SAMD3: variants seen among roughly 807,000 people sequenced by gnomAD.
SAMD3 encodes sterile alpha motif domain-containing protein 3.
A neutral mutation model predicts 58.5 loss-of-function variants in SAMD3; 63 were observed. The observed-to-expected ratio is 1.08, with a 90% CI of 0.88 to 1.33. The LOEUF is 1.33. SAMD3 is among the 40% of genes most tolerant of loss of function. SAMD3 has a pLI of 0.00. For synonymous variants in SAMD3, 220 were observed against 210.3 expected (o/e 1.05, Z -0.40); for missense variants, 604 against 608.4 (o/e 0.99, Z 0.08).
chr6:130,237,484 A>G (rs1012311456), intron 2 of SAMD3, among the ~76,000 whole-genome samples: 3 of 152,126 alleles, frequency 2.0e-5, no homozygotes, highest in Non-Finnish European at 4.4e-5. Context: ...CTGCTGCCCA[A>G]TGACCATTCA....
intron 1 of SAMD3, among the ~76,000 whole-genome samples, chr6:130,221,139 C>A (rs1243412180): frequency 6.6e-6 from 1 of 152,150 alleles, no homozygotes. Context: ...CAGGCATGAG[C>A]CACCACGCCC....
At chr6:130,204,500 G>A (rs985701940) in intron 5 of SAMD3, among the ~76,000 whole-genome samples, 1 of 152,080 alleles carries the variant, frequency 6.6e-6, no homozygotes, top group African/African-American at 2.4e-5. Context: ...AGGATACTGA[G>A]GTGGGAGGAC....
chr6:130,230,617 A>G (rs1280607854), intron 2 of SAMD3, among the ~76,000 whole-genome samples: 1 of 152,022 alleles, frequency 6.6e-6, no homozygotes, highest in East Asian at 1.9e-4. Flanking sequence ...TGAACTCCTG[A>G]CCTCAGGTGA....
At chr6:130,285,442 C>G (rs1264741172) in intron 2 of SAMD3, among the ~76,000 whole-genome samples, 19 of 152,148 alleles carry the variant, frequency 1.2e-4, no homozygotes, top group Admixed American at 1.2e-3. Context: ...AAGGAGAGCT[C>G]TCATGTTGCT....
intron 2 of SAMD3, among the ~76,000 whole-genome samples, chr6:130,294,928 T>C (rs1461374357): frequency 1.5e-5 from 2 of 136,942 alleles, no homozygotes; most frequent in African/African-American, 5.4e-5. Context: ...TTTTTTTTTT[T>C]TTTTTTTTTT....
intron 2 of SAMD3, among the ~76,000 whole-genome samples, chr6:130,304,507 CTT>C (rs1170895558): frequency 6.6e-6 from 1 of 152,150 alleles, no homozygotes; most frequent in Non-Finnish European, 1.5e-5. Context: ...GGGCTTCTCT[CTT>C]TAGTTCCACT....
chr6:130,310,655 C>T (rs1344947561), intron 2 of SAMD3, among the ~76,000 whole-genome samples: 1 of 152,094 alleles, frequency 6.6e-6, no homozygotes. Context: ...CTACTGAATT[C>T]AAAATTACAG....
chr6:130,214,695 C>A lies in SAMD3; in HGVS notation c.80-169G>T, dbSNP rs149537267. On this transcript the variant is annotated intron_variant, in intron 3 of 11. Coordinates refer to ENST00000439090, the MANE Select transcript of SAMD3 (RefSeq NM_001017373.4). ...GATAAAACTCCAATGTTGCATAATTCCAAATCAATGCCTGCTCCTAAGAAA... is the reference window on the plus strand; with the variant it reads ...GATAAAACTCCAATGTTGCATAATTACAAATCAATGCCTGCTCCTAAGAAA... Among the ~76,000 whole-genome samples, 649 of 152,180 alleles carry A rather than the reference C, an allele frequency of 4.3e-3. 2 individuals are homozygous for A. Among genetic ancestry groups the A allele is most frequent in the Non-Finnish European group, 7.2e-3 (491 of 67,992 alleles).
At chr6:130,198,287 T>C (rs1794328632) in intron 5 of SAMD3, among the ~76,000 whole-genome samples, 1 of 152,158 alleles carries the variant, frequency 6.6e-6, no homozygotes, top group African/African-American at 2.4e-5. Context: ...CACTGCAGCC[T>C]CAAACTCCTG....
chr6:130,316,611 C>A (rs1301808793), intron 1 of SAMD3, among the ~76,000 whole-genome samples: 1 of 152,074 alleles, frequency 6.6e-6, no homozygotes, highest in Non-Finnish European at 1.5e-5. Flanking sequence ...GAACCACAGT[C>A]CCTTTTAGGA....
At chr6:130,205,571 T>C (rs1035474395) in intron 5 of SAMD3, among the ~76,000 whole-genome samples, 2 of 152,146 alleles carry the variant, frequency 1.3e-5, no homozygotes, top group African/African-American at 4.8e-5. Context: ...CCCAGAGTGC[T>C]GGGATTACAG....
chr6:130,353,810 A>G (rs1382081515), intron 1 of SAMD3, among the ~76,000 whole-genome samples: 1 of 152,210 alleles, frequency 6.6e-6, no homozygotes, highest in African/African-American at 2.4e-5. Flanking sequence ...GCTATAAGCC[A>G]TATCTCAGAC....
chr6:130,308,370 A>ATTCTATTCTATTCTATTCTATTCTATTCT lies in SAMD3; in HGVS notation c.-188+4579_-188+4607dup, dbSNP rs1562512830. 1.4e-3 allele frequency among the ~76,000 whole-genome samples: 130 copies of ATTCTATTCTATTCTATTCTATTCTATTCT among 95,164 alleles called. 1 individual carries two copies. Among genetic ancestry groups the ATTCTATTCTATTCTATTCTATTCTATTCT allele is most frequent in the African/African-American group, 2.5e-3 (61 of 24,114 alleles). The allele number at this position is 95,164 out of a possible 152,430, so 62.4% of individuals were successfully genotyped here. A position where few individuals can be genotyped will look rare whatever the true frequency, so the allele number is the denominator to read the frequency against. On this transcript the variant is annotated intron_variant, in intron 2 of 13. Transcript: ENST00000368134. ...ATAGAATTCTATTCTATTCTATTCTATTCTATTCTATTCTATTCTATTCTA... is the reference window on the plus strand; with the variant it reads ...ATAGAATTCTATTCTATTCTATTCTATTCTATTCTATTCTATTCTATTCTATTCTTTCTATTCTATTCTATTCTATTCTA...
chr6:130,175,436 T>C (rs1791632360), intron 8 of SAMD3, among the ~76,000 whole-genome samples: 1 of 152,158 alleles, frequency 6.6e-6, no homozygotes, highest in Non-Finnish European at 1.5e-5. Flanking sequence ...TGTGGGTTAT[T>C]TCTTCCCTGA....
chr6:130,179,932 A>G (rs1792123541), intron 7 of SAMD3, among the ~76,000 whole-genome samples: 1 of 149,162 alleles, frequency 6.7e-6, no homozygotes, highest in African/African-American at 2.5e-5. Flanking sequence ...CTCCTGCCTC[A>G]GCCTCCCGTG....
intron 2 of SAMD3, among the ~76,000 whole-genome samples, chr6:130,309,375 A>T (rs1333107916): frequency 6.6e-6 from 1 of 152,248 alleles, no homozygotes; most frequent in African/African-American, 2.4e-5. Flanking sequence ...CCCACTTCAC[A>T]GGGCTTTTGT....
intron 1 of SAMD3, among the ~76,000 whole-genome samples, chr6:130,315,301 G>C (rs1420906550): frequency 6.6e-6 from 1 of 152,128 alleles, no homozygotes; most frequent in African/African-American, 2.4e-5. Flanking sequence ...ATATGGTTTA[G>C]AGTGTCAATG....
chr6:130,308,364 TA>T (rs1202290266), intron 2 of SAMD3, among the ~76,000 whole-genome samples: 16 of 51,788 alleles, frequency 3.1e-4, no homozygotes, highest in African/African-American at 1.1e-3. Flanking sequence ...TATTCTATTC[TA>T]TTCTATTCTA....
chr6:130,340,110 T>G, intron 1 of SAMD3, among the ~76,000 whole-genome samples: 1 of 152,208 alleles, frequency 6.6e-6, no homozygotes, highest in Non-Finnish European at 1.5e-5. Context: ...GTTTACAATA[T>G]GTGTTCAATA....
Sources: allele counts gnomAD v4.1 joint callset (sites outside exome capture counted in the v4.1 genomes callset), GRCh38; gene constraint gnomAD v4.1.1; transcripts MANE v1.5; gene names NCBI Gene and HGNC (gene_info 2026-07-23, HGNC 2026-07-21).